The following VEPH1 variants were observed in gnomAD, a reference collection of about 807,000 sequenced individuals.
The protein encoded by VEPH1 is ventricular zone expressed PH domain containing 1.
In VEPH1, 80 loss-of-function variants were observed where a neutral mutation model predicts 85.2. The observed-to-expected ratio is 0.94, with a 90% CI of 0.78 to 1.13. The LOEUF (loss-of-function observed/expected upper bound fraction) is 1.13. VEPH1 is among the 50% of genes most tolerant of loss of function. The probability of loss-of-function intolerance (pLI) is 0.00; values close to 1 mark genes in which losing one functional copy is unlikely to be tolerated. For missense variants in VEPH1, 955 were observed against 980.5 expected (o/e 0.97, Z 0.35); for synonymous variants, 297 against 348.0 (o/e 0.85, Z 1.63).
At chr3:157,467,776 C>A (rs1190114872) in intron 3 of VEPH1, among the ~76,000 whole-genome samples, 1 of 152,218 alleles carries the variant, frequency 6.6e-6, no homozygotes, top group African/African-American at 2.4e-5. Context: ...CCTAACTTGT[C>A]CCTCTTAACC....
At chr3:157,314,330 C>CAAAAAAAA (rs34703314) in intron 10 of VEPH1, among the ~76,000 whole-genome samples, 660 of 43,126 alleles carry the variant, frequency 0.015, 68 homozygotes, top group Non-Finnish European at 0.025. Flanking sequence ...GAGGATCCGT[C>CAAAAAAAA]AAAAAAAAAA....
At chr3:157,435,708 G>A (rs1474209033) in intron 4 of VEPH1, among the ~76,000 whole-genome samples, 1 of 152,108 alleles carries the variant, frequency 6.6e-6, no homozygotes, top group Non-Finnish European at 1.5e-5. Context: ...TCTATCTTTG[G>A]CTCCGGGATT....
At chr3:157,320,367 A>T (rs2108546945) in intron 9 of VEPH1, among the ~76,000 whole-genome samples, 1 of 152,300 alleles carries the variant, frequency 6.6e-6, no homozygotes, top group South Asian at 2.1e-4. Flanking sequence ...TATACTTTGA[A>T]AAATGATCAA....
At position 157,368,479 on chromosome 3, in the gene VEPH1, T is replaced by TTTTTTTTG. The variant is rs112204575; in HGVS notation, c.1128-3968_1128-3967insCAAAAAAA. Among the ~76,000 whole-genome samples, 167 of 150,982 alleles carry TTTTTTTTG rather than the reference T, an allele frequency of 1.1e-3. 4 individuals are homozygous for TTTTTTTTG. The East Asian group carries it at 0.024, about 22-fold the overall frequency. On this transcript the variant is annotated intron_variant, in intron 7 of 13. Transcript: ENST00000362010. ...CTGAATTTCAGATAAACAATAAGTT[T>TTTTTTTTG]TTTGTTTGTTTGTTTGTTTGTTTGT...
chr3:157,404,711 C>CAT (rs1265976556), intron 6 of VEPH1, among the ~76,000 whole-genome samples: 2 of 152,148 alleles, frequency 1.3e-5, no homozygotes, highest in Non-Finnish European at 2.9e-5. Context: ...TCCTCACATG[C>CAT]ATACGCCATG....
intron 2 of VEPH1, chr3:157,493,360 GA>G: frequency 1.1e-5 from 5 of 442,396 alleles, no homozygotes; most frequent in South Asian, 6.4e-5. Flanking sequence ...GCCTAGAGAG[GA>G]ATAGCTGGGG....
chr3:157,499,252 GTTTTTTT>G (rs72395333), intron 1 of VEPH1: 2 of 128,458 alleles, frequency 1.6e-5, no homozygotes, highest in African/African-American at 6.0e-5. Context: ...TCATTATTTA[GTTTTTTT>G]TTTTTTTTTT....
chr3:157,459,648 T>TA, intron 4 of VEPH1: 1 of 1,312,700 alleles, frequency 7.6e-7, no homozygotes, highest in Non-Finnish European at 9.7e-7. Context: ...TTGAGCTTCT[T>TA]ATTCATTCAA....
At chr3:157,381,097 G>A in intron 7 of VEPH1, 59 bp downstream of exon 7, 1 of 1,559,276 alleles carries the variant, frequency 6.4e-7, no homozygotes, top group Non-Finnish European at 8.8e-7. Context: ...TTAACTGTCT[G>A]CATTCTACCC....
At chr3:157,463,778 G>A (rs76123895) in intron 3 of VEPH1, among the ~76,000 whole-genome samples, 2,350 of 152,258 alleles carry the variant, frequency 0.015, 29 homozygotes, top group Middle Eastern at 0.061. Flanking sequence ...CAGACTTAGG[G>A]TATCCCTTTC....
intron 5 of VEPH1, among the ~76,000 whole-genome samples, chr3:157,422,717 A>G (rs1553783339): frequency 6.6e-6 from 1 of 152,194 alleles, no homozygotes; most frequent in Non-Finnish European, 1.5e-5. Flanking sequence ...TACATTCCCC[A>G]TCTTCCTCCA....
chr3:157,369,990 C>A (rs905681106), intron 7 of VEPH1, among the ~76,000 whole-genome samples: 1 of 152,136 alleles, frequency 6.6e-6, no homozygotes, highest in Non-Finnish European at 1.5e-5. Context: ...TCACTTTTGA[C>A]CCCAGAGGTA....
At chr3:157,467,634 C>A (rs1161609732) in intron 3 of VEPH1, among the ~76,000 whole-genome samples, 1 of 152,230 alleles carries the variant, frequency 6.6e-6, no homozygotes, top group African/African-American at 2.4e-5. Context: ...AGATGCTGAA[C>A]TTTGCTGAAA....
intron 12 of VEPH1, among the ~76,000 whole-genome samples, chr3:157,285,725 T>C (rs1716686053): frequency 6.6e-6 from 1 of 152,212 alleles, no homozygotes; most frequent in African/African-American, 2.4e-5. Flanking sequence ...TATAGGCTTA[T>C]TAGCAACGTG....
chr3:157,460,615 G>A (rs1014604620), intron 3 of VEPH1, among the ~76,000 whole-genome samples: 1 of 152,218 alleles, frequency 6.6e-6, no homozygotes. Flanking sequence ...ACAGAGCAGA[G>A]AAGGAGCACT....
At chr3:157,268,056 T>C (rs1280106900) in intron 12 of VEPH1, among the ~76,000 whole-genome samples, 3 of 152,224 alleles carry the variant, frequency 2.0e-5, no homozygotes, top group African/African-American at 7.2e-5. Context: ...TTACAATTAA[T>C]ATCAAGAAAA....
At chr3:157,442,036 A>T (rs571713943) in intron 4 of VEPH1, among the ~76,000 whole-genome samples, 60 of 152,058 alleles carry the variant, frequency 3.9e-4, no homozygotes, top group South Asian at 1.0e-3. Flanking sequence ...CAACTTTTTT[A>T]AAAAAAAGCA....
intron 1 of VEPH1, chr3:157,499,259 T>G (rs1308834822): frequency 1.3e-5 from 2 of 151,512 alleles, no homozygotes; most frequent in African/African-American, 2.4e-5. Flanking sequence ...TTAGTTTTTT[T>G]TTTTTTTTTT....
rs989114431 is a variant in VEPH1 at position 157,450,622 on chromosome 3, A to G, written c.529+9559T>C. ...GTGCTCTATCATTATCTATCTATAT[A>G]TCTCCTCTAATCATGTTAAGAAATT... On this transcript the variant is annotated intron_variant, in intron 4 of 13. Coordinates refer to ENST00000362010, the MANE Select transcript of VEPH1 (RefSeq NM_001167912.2). Among the ~76,000 whole-genome samples, 11 of 151,432 alleles carry G rather than the reference A, an allele frequency of 7.3e-5. No individual in the cohort carries two copies. In the East Asian group the frequency reaches 1.5e-3, roughly 21 times the overall value.
Sources: gnomAD v4.1 joint callset for allele counts (sites outside exome capture counted in the v4.1 genomes callset) on GRCh38, gnomAD v4.1.1 for gene constraint, MANE v1.5 for transcripts, NCBI Gene and HGNC (gene_info 2026-07-23, HGNC 2026-07-21) for gene names.